TSHZ2: variants seen among roughly 807,000 people sequenced by gnomAD.
TSHZ2 encodes the protein teashirt homolog 2.
TSHZ2 carries 21 observed loss-of-function variants against 74.4 expected under a neutral mutation model. The ratio of observed to expected loss-of-function variants is 0.28; its 90% CI spans 0.20 to 0.41. TSHZ2 has a LOEUF of 0.41. Ranked by LOEUF, TSHZ2 falls within the 10% of genes least tolerant of loss-of-function variation. The probability of loss-of-function intolerance (pLI) is 1.00; values close to 1 mark genes in which losing one functional copy is unlikely to be tolerated. For synonymous variants in TSHZ2, 540 were observed against 515.3 expected, an observed-to-expected ratio of 1.05 and a Z score of -0.65; for missense variants, 1,244 against 1,293.5, an observed-to-expected ratio of 0.96 and a Z score of 0.59.
intron 2 of TSHZ2, among the ~76,000 whole-genome samples, chr20:53,286,182 C>T (rs920930395): frequency 6.6e-6 from 1 of 152,180 alleles, no homozygotes. Context: ...TTAACATTGA[C>T]TTCTTGCCAT....
intron 2 of TSHZ2, among the ~76,000 whole-genome samples, chr20:53,339,249 A>G (rs1211751790): frequency 6.6e-6 from 1 of 152,162 alleles, no homozygotes; most frequent in Non-Finnish European, 1.5e-5. Flanking sequence ...TTCCTCTTCC[A>G]AGAGATACAG....
chr20:52,986,659 G>A (rs1008396187), intron 1 of TSHZ2, among the ~76,000 whole-genome samples: 2 of 151,732 alleles, frequency 1.3e-5, no homozygotes, highest in African/African-American at 4.8e-5. Context: ...AACCCAGGAG[G>A]CGGAGATTGA....
At chr20:53,415,574 A>G (rs894712079) in intron 2 of TSHZ2, among the ~76,000 whole-genome samples, 13 of 139,414 alleles carry the variant, frequency 9.3e-5, no homozygotes, top group Non-Finnish European at 1.9e-4. Context: ...TAATTTACCT[A>G]CCTGTACTTG....
In TSHZ2 at chr20:53,219,587, T is replaced by C. The variant is rs905956608; in HGVS notation, c.41-33912T>C. On this transcript the variant is annotated intron_variant, in intron 1 of 2. Coordinates refer to ENST00000371497, the MANE Select transcript of TSHZ2 (RefSeq NM_173485.6). ...TTTGAAGAGACTAAAATCCCAGAAG[T>C]TGAAATTATCTGTTCCTTGGGTCAC... Among the ~76,000 whole-genome samples, 6 of 152,342 alleles carry C rather than the reference T, an allele frequency of 3.9e-5. No homozygotes were observed. In the South Asian group the frequency reaches 6.2e-4, roughly 16 times the overall value.
At chr20:53,308,456 G>T (rs921671311) in intron 2 of TSHZ2, among the ~76,000 whole-genome samples, 3 of 152,122 alleles carry the variant, frequency 2.0e-5, no homozygotes, top group Middle Eastern at 3.2e-3. Context: ...GTGTATGTAT[G>T]TACACGTGCA....
intron 1 of TSHZ2, among the ~76,000 whole-genome samples, chr20:52,988,452 T>C (rs1386872094): frequency 6.6e-6 from 1 of 152,218 alleles, no homozygotes; most frequent in Non-Finnish European, 1.5e-5. Flanking sequence ...TATGCTTTGT[T>C]GCTTCTCATA....
chr20:53,228,019 GTTTTTT>G (rs3971383), intron 1 of TSHZ2, among the ~76,000 whole-genome samples: 10 of 101,434 alleles, frequency 9.9e-5, no homozygotes, highest in South Asian at 3.5e-4. Flanking sequence ...TTCAAATGGT[GTTTTTT>G]TTTTTTTTTT....
intron 2 of TSHZ2, among the ~76,000 whole-genome samples, chr20:53,405,103 G>T (rs1053546743): frequency 6.6e-6 from 1 of 152,106 alleles, no homozygotes; most frequent in African/African-American, 2.4e-5. Flanking sequence ...ACAAAAATTA[G>T]CCAGCTGTGG....
chr20:53,232,065 T>C (rs116221131), intron 1 of TSHZ2, among the ~76,000 whole-genome samples: 1 of 152,074 alleles, frequency 6.6e-6, no homozygotes, highest in East Asian at 1.9e-4. Context: ...ATTTTTTTAT[T>C]TTTTTGTAGA....
rs148980217 is a variant in TSHZ2 at position 53,104,098 on chromosome 20, C to A, written c.40+130765C>A. Among the ~76,000 whole-genome samples the A allele has an allele frequency of 2.9e-3, 447 of 152,292 alleles. 3 individuals are homozygous for A. Among genetic ancestry groups the A allele is most frequent in the Middle Eastern group, 6.8e-3 (2 of 294 alleles). On this transcript the variant is annotated intron_variant, in intron 1 of 2. Coordinates refer to ENST00000371497, the MANE Select transcript of TSHZ2 (RefSeq NM_173485.6). ...GTGGGAGGAAATGGACATCTGAGTT[C>A]TAAGACATCGCGCTCTGCAGAGGTG...
chr20:52,999,567 G>A (rs972152818), intron 1 of TSHZ2, among the ~76,000 whole-genome samples: 1 of 152,182 alleles, frequency 6.6e-6, no homozygotes, highest in East Asian at 1.9e-4. Context: ...GCACCAGCTG[G>A]TGTCGTATGT....
At chr20:53,221,083 G>A (rs555504475) in intron 1 of TSHZ2, among the ~76,000 whole-genome samples, 14 of 152,192 alleles carry the variant, frequency 9.2e-5, no homozygotes, top group Admixed American at 2.0e-4. Context: ...TTCTGTTCTC[G>A]TGGTAGTGAA....
intron 1 of TSHZ2, among the ~76,000 whole-genome samples, chr20:53,148,250 C>G (rs1324544596): frequency 6.6e-6 from 1 of 152,148 alleles, no homozygotes; most frequent in Non-Finnish European, 1.5e-5. Context: ...TGGTTCTCAA[C>G]TGGGGCAACT....
chr20:53,262,766 T>C (rs188677255), intron 2 of TSHZ2, among the ~76,000 whole-genome samples: 8 of 152,348 alleles, frequency 5.3e-5, no homozygotes, highest in African/African-American at 7.2e-5. Context: ...AGTTGCTTTC[T>C]TTCCCGACTC....
intron 1 of TSHZ2, among the ~76,000 whole-genome samples, chr20:53,234,284 T>C (rs1359638885): frequency 1.3e-5 from 2 of 152,128 alleles, no homozygotes; most frequent in East Asian, 3.9e-4. Context: ...TAAGTTTTGC[T>C]CTCCTTTGGG....
intron 2 of TSHZ2, among the ~76,000 whole-genome samples, chr20:53,425,094 C>T (rs1285665318): frequency 6.6e-6 from 1 of 152,078 alleles, no homozygotes; most frequent in African/African-American, 2.4e-5. Context: ...AATGGGATTT[C>T]TGGGTCAAAT....
chr20:53,463,758 G>A (rs1225472897), intron 2 of TSHZ2, among the ~76,000 whole-genome samples: 1 of 152,158 alleles, frequency 6.6e-6, no homozygotes, highest in Non-Finnish European at 1.5e-5. Context: ...ACCTGGAGTG[G>A]GGCCAAGTGA....
chr20:52,993,093 G>T (rs1054474273), intron 1 of TSHZ2, among the ~76,000 whole-genome samples: 3 of 152,116 alleles, frequency 2.0e-5, no homozygotes, highest in African/African-American at 7.2e-5. Flanking sequence ...ACAATAGAAG[G>T]ACTTTGAAAT....
chr20:53,036,711 G>T (rs1386932777), intron 1 of TSHZ2, among the ~76,000 whole-genome samples: 2 of 146,798 alleles, frequency 1.4e-5, no homozygotes, highest in African/African-American at 2.5e-5. Flanking sequence ...GTATATGTAT[G>T]TATATTATAT....
Sources: gnomAD v4.1 joint callset for allele counts (sites outside exome capture counted in the v4.1 genomes callset) on GRCh38, gnomAD v4.1.1 for gene constraint, MANE v1.5 for transcripts, NCBI Gene and HGNC (gene_info 2026-07-23, HGNC 2026-07-21) for gene names.